Variants in DPP10 observed in about 807,000 individuals in gnomAD.
DPP10 encodes inactive dipeptidyl peptidase 10.
A neutral mutation model predicts 120.9 loss-of-function variants in DPP10; 33 were observed. The ratio of observed to expected loss-of-function variants is 0.27; its 90% CI spans 0.21 to 0.37. The LOEUF (loss-of-function observed/expected upper bound fraction) is 0.37. Ranked by LOEUF, DPP10 falls within the 10% of genes least tolerant of loss-of-function variation. DPP10 has a pLI of 1.00. For missense variants in DPP10, 816 were observed against 942.8 expected (o/e 0.87, Z 1.76); for synonymous variants, 337 against 326.1 (o/e 1.03, Z -0.36).
intron 1 of DPP10, among the ~76,000 whole-genome samples, chr2:115,186,638 T>A (rs567337330): frequency 6.6e-6 from 1 of 152,236 alleles, no homozygotes; most frequent in South Asian, 2.1e-4. Flanking sequence ...CATGCTCAAA[T>A]TGTATAACCC....
intron 5 of DPP10, among the ~76,000 whole-genome samples, chr2:115,664,262 C>T (rs1224234724): frequency 6.6e-6 from 1 of 151,000 alleles, no homozygotes; most frequent in Non-Finnish European, 1.5e-5. Flanking sequence ...ACATAAGGTA[C>T]CAAAAAAGTA....
At chr2:115,742,251 C>G (rs1449525526) in intron 9 of DPP10, among the ~76,000 whole-genome samples, 1 of 152,068 alleles carries the variant, frequency 6.6e-6, no homozygotes, top group Admixed American at 6.6e-5. Flanking sequence ...CTATAAAACT[C>G]CCACAGGTCA....
chr2:114,709,541 T>G (rs1700892947), intron 1 of DPP10, among the ~76,000 whole-genome samples: 1 of 152,222 alleles, frequency 6.6e-6, no homozygotes, highest in South Asian at 2.1e-4. Flanking sequence ...AATTTTATAT[T>G]TTATTACTTA....
intron 1 of DPP10, among the ~76,000 whole-genome samples, chr2:115,276,663 G>A (rs1415202591): frequency 6.6e-6 from 1 of 152,176 alleles, no homozygotes; most frequent in Non-Finnish European, 1.5e-5. Context: ...ATTACTCTGA[G>A]AATTTTGTAA....
chr2:115,162,088 G>A (rs1450454988), intron 1 of DPP10: 19 of 1,492,682 alleles, frequency 1.3e-5, no homozygotes, highest in African/African-American at 4.4e-5. Context: ...TGCGCGCTCC[G>A]CCCGCCTCCC....
At chr2:114,726,725 A>G (rs1313007551) in intron 1 of DPP10, among the ~76,000 whole-genome samples, 2 of 152,240 alleles carry the variant, frequency 1.3e-5, no homozygotes, top group African/African-American at 4.8e-5. Context: ...CCATGTTTTA[A>G]CATCAACTGA....
At chr2:115,285,267 T>C (rs1434255383) in intron 1 of DPP10, among the ~76,000 whole-genome samples, 1 of 152,074 alleles carries the variant, frequency 6.6e-6, no homozygotes, top group Non-Finnish European at 1.5e-5. Context: ...TGCTTTGTTA[T>C]CTTTAAAATA....
At chr2:115,257,667 G>T (rs1213686619) in intron 1 of DPP10, among the ~76,000 whole-genome samples, 1 of 152,166 alleles carries the variant, frequency 6.6e-6, no homozygotes, top group East Asian at 1.9e-4. Flanking sequence ...GTGTCACTCA[G>T]TATGGCATTT....
intron 3 of DPP10, among the ~76,000 whole-genome samples, chr2:115,483,211 G>T (rs2075546612): frequency 6.6e-6 from 1 of 151,894 alleles, no homozygotes; most frequent in Non-Finnish European, 1.5e-5. Flanking sequence ...TCTGTGGAAG[G>T]TACTTCATTT....
intron 3 of DPP10, chr2:115,468,257 A>G (rs1056315992): frequency 3.9e-6 from 2 of 509,442 alleles, no homozygotes; most frequent in South Asian, 1.4e-5. Context: ...CATTGTTGCC[A>G]TTGAAAACTG....
At chr2:115,607,151 C>T (rs1379385128) in intron 5 of DPP10, among the ~76,000 whole-genome samples, 1 of 152,136 alleles carries the variant, frequency 6.6e-6, no homozygotes, top group African/African-American at 2.4e-5. Flanking sequence ...TGACTTTGTA[C>T]GAATCCCTTA....
intron 1 of DPP10, among the ~76,000 whole-genome samples, chr2:114,879,360 A>C (rs1204182577): frequency 6.6e-6 from 1 of 152,046 alleles, no homozygotes; most frequent in Non-Finnish European, 1.5e-5. Context: ...TCCTATTATC[A>C]TCTCATGAAT....
chr2:114,759,700 T>G (rs1260193236), intron 1 of DPP10, among the ~76,000 whole-genome samples: 1 of 151,264 alleles, frequency 6.6e-6, no homozygotes, highest in African/African-American at 2.4e-5. Context: ...TAGGCAGCAG[T>G]AGGTCAGATG....
At chr2:114,767,229 A>C (rs1159760680) in intron 1 of DPP10, among the ~76,000 whole-genome samples, 2 of 146,328 alleles carry the variant, frequency 1.4e-5, no homozygotes, top group African/African-American at 4.9e-5. Context: ...AAAAAAAAAA[A>C]AGTTTTAAAC....
intron 1 of DPP10, among the ~76,000 whole-genome samples, chr2:114,880,006 C>T (rs535963681): frequency 2.0e-5 from 3 of 152,232 alleles, no homozygotes; most frequent in South Asian, 2.1e-4. Context: ...AATGCTACCA[C>T]GTAAAGCGTT....
chr2:115,766,676 G>C (rs1680803605), intron 12 of DPP10, among the ~76,000 whole-genome samples: 1 of 152,104 alleles, frequency 6.6e-6, no homozygotes, highest in Non-Finnish European at 1.5e-5. Context: ...TTGGCTCACA[G>C]TACTGCAGGC....
intron 1 of DPP10, among the ~76,000 whole-genome samples, chr2:115,132,772 T>C (rs1348285928): frequency 1.3e-5 from 2 of 152,118 alleles, no homozygotes; most frequent in Admixed American, 1.3e-4. Flanking sequence ...CTGAAAATTT[T>C]ACTTACGGTT....
At chr2:114,528,110 C>T (rs1422608980) in intron 1 of DPP10, among the ~76,000 whole-genome samples, 1 of 152,106 alleles carries the variant, frequency 6.6e-6, no homozygotes, top group African/African-American at 2.4e-5. Context: ...TCAGCACCAT[C>T]TCTCCCATCC....
At chr2:115,306,562 G>A (rs1296908174) in intron 1 of DPP10, among the ~76,000 whole-genome samples, 3 of 152,012 alleles carry the variant, frequency 2.0e-5, no homozygotes, top group African/African-American at 4.8e-5. Context: ...AAAAAGTAAC[G>A]TAAGTAACAC....
Sources: gnomAD v4.1 joint callset for allele counts (sites outside exome capture counted in the v4.1 genomes callset) on GRCh38, gnomAD v4.1.1 for gene constraint, MANE v1.5 for transcripts, NCBI Gene and HGNC (gene_info 2026-07-23, HGNC 2026-07-21) for gene names.